The following RIN3 variants were observed in gnomAD, a reference collection of about 807,000 sequenced individuals.
RIN3 encodes the protein Ras and Rab interactor 3, also known as RAB5 interacting protein 3.
RIN3 carries 54 observed loss-of-function variants against 76.3 expected under a neutral mutation model. The ratio of observed to expected loss-of-function variants is 0.71; its 90% CI spans 0.57 to 0.89. The LOEUF (loss-of-function observed/expected upper bound fraction) is 0.89, where lower values mean the gene tolerates loss of function less well. Ranked by LOEUF, RIN3 falls within the 40% of genes least tolerant of loss-of-function variation. The pLI is 0.00. For synonymous variants in RIN3, 576 were observed against 564.0 expected (o/e 1.02, Z -0.30); for missense variants, 1,256 against 1,322.1 (o/e 0.95, Z 0.78).
intron 4 of RIN3, among the ~76,000 whole-genome samples, chr14:92,618,216 C>G (rs1886044386): frequency 6.6e-6 from 1 of 152,192 alleles, no homozygotes; most frequent in South Asian, 2.1e-4. Context: ...GTGCACAAAA[C>G]AGACCCCTTT....
chr14:92,520,236 G>A (rs372244914), intron 1 of RIN3, among the ~76,000 whole-genome samples: 2 of 152,238 alleles, frequency 1.3e-5, no homozygotes, highest in Admixed American at 6.5e-5. Flanking sequence ...TGTAAGTGAC[G>A]TGACGGCACA....
At chr14:92,557,612 C>T (rs886335782) in intron 2 of RIN3, among the ~76,000 whole-genome samples, 4 of 152,268 alleles carry the variant, frequency 2.6e-5, no homozygotes, top group Non-Finnish European at 4.4e-5. Flanking sequence ...CTGCAAAGTC[C>T]TGACCTCCTC....
intron 8 of RIN3, among the ~76,000 whole-genome samples, chr14:92,677,326 GTCCAGATA>G (rs1442723612): frequency 3.9e-5 from 6 of 152,102 alleles, no homozygotes; most frequent in Non-Finnish European, 8.8e-5. Context: ...GGGGCAGCCA[GTCCAGATA>G]TCAGCTCTGA....
chr14:92,572,921 G>T (rs1197739564), intron 2 of RIN3, among the ~76,000 whole-genome samples: 1 of 101,212 alleles, frequency 9.9e-6, no homozygotes, highest in Non-Finnish European at 1.8e-5. Context: ...TTGCTTTGTT[G>T]CCCAGGCTGG....
intron 1 of RIN3, among the ~76,000 whole-genome samples, chr14:92,522,440 C>A (rs1178290065): frequency 6.6e-6 from 1 of 152,184 alleles, no homozygotes; most frequent in Non-Finnish European, 1.5e-5. Flanking sequence ...ATTTTTATCA[C>A]CCGGTGCAAG....
chr14:92,523,508 C>T (rs1896650441), intron 1 of RIN3, among the ~76,000 whole-genome samples: 1 of 152,208 alleles, frequency 6.6e-6, no homozygotes, highest in African/African-American at 2.4e-5. Flanking sequence ...TCACATAGCA[C>T]CAGATTATAT....
intron 3 of RIN3, among the ~76,000 whole-genome samples, chr14:92,588,214 CTTTTTTTTT>C (rs141155255): frequency 5.1e-5 from 3 of 58,760 alleles, no homozygotes; most frequent in South Asian, 7.1e-4. Context: ...CCATAGCACT[CTTTTTTTTT>C]TTTTTTTTTT....
intron 3 of RIN3, among the ~76,000 whole-genome samples, chr14:92,578,251 A>G (rs1898317514): frequency 6.6e-6 from 1 of 151,018 alleles, no homozygotes; most frequent in African/African-American, 2.4e-5. Context: ...AAAAAAAAAG[A>G]AAAAAAAGAA....
At chr14:92,524,225 G>A (rs369989046) in intron 1 of RIN3, among the ~76,000 whole-genome samples, 133 of 152,210 alleles carry the variant, frequency 8.7e-4, no homozygotes, top group African/African-American at 3.1e-3. Flanking sequence ...ATAAAGACCC[G>A]GGGCCCAGTT....
At chr14:92,527,678 C>A (rs1896777566) in intron 1 of RIN3, among the ~76,000 whole-genome samples, 1 of 152,166 alleles carries the variant, frequency 6.6e-6, no homozygotes, top group African/African-American at 2.4e-5. Context: ...AGGACCTCTT[C>A]CTCCGCAGAC....
chr14:92,569,451 T>C (rs1898003366), intron 2 of RIN3, among the ~76,000 whole-genome samples: 2 of 152,142 alleles, frequency 1.3e-5, no homozygotes, highest in South Asian at 4.1e-4. Flanking sequence ...ACACGGAGGC[T>C]CAGAGAAACC....
At chr14:92,528,096 T>C (rs1896791962) in intron 1 of RIN3, among the ~76,000 whole-genome samples, 1 of 151,752 alleles carries the variant, frequency 6.6e-6, no homozygotes, top group Admixed American at 6.6e-5. Flanking sequence ...GGCTGGTGCC[T>C]GGACTAAGGC....
At position 92,659,441 on chromosome 14, in the gene RIN3, C is replaced by A; in HGVS notation, c.2307C>A (p.Ile769=). Reference sequence around the variant, plus strand: ...TCCTGCTCAAGACCTGCAAACTCATCTACGACTCCATGGCCCTCGGCAACC... The same window carrying A: ...TCCTGCTCAAGACCTGCAAACTCATATACGACTCCATGGCCCTCGGCAACC... ...ISILLKTCKL[I]YDSMALGNPG... The change falls in exon 7 of 10, where the codon ATC becomes ATA. Residue 769 remains isoleucine, a synonymous_variant. Transcript: ENST00000216487. The A allele has an allele frequency of 6.2e-7, 1 of 1,611,198 alleles. No homozygotes were observed. The highest frequency in any genetic ancestry group is 8.5e-7 in the Non-Finnish European group (1 of 1,178,442).
intron 7 of RIN3, among the ~76,000 whole-genome samples, chr14:92,666,293 G>T (rs1489409828): frequency 6.6e-6 from 1 of 152,230 alleles, no homozygotes; most frequent in African/African-American, 2.4e-5. Flanking sequence ...TGTTGGAACA[G>T]CGAGGAAAGG....
rs552529629 is a variant in RIN3, at chr14:92,564,815, C to T, written c.249+8860C>T. 7.9e-5 allele frequency among the ~76,000 whole-genome samples: 12 copies of T among 152,294 alleles called. No homozygotes were observed. In the East Asian group the frequency reaches 9.6e-4, roughly 12 times the overall value. On this transcript the variant is annotated intron_variant, in intron 2 of 9. Coordinates refer to ENST00000216487, the MANE Select transcript of RIN3 (RefSeq NM_024832.5). ...TGAGGGATGAAAAATGGAGGAAACGCGCACACACACGCGCGCGCGCAGGAA... is the reference window on the plus strand; with the variant it reads ...TGAGGGATGAAAAATGGAGGAAACGTGCACACACACGCGCGCGCGCAGGAA...
intron 3 of RIN3, among the ~76,000 whole-genome samples, chr14:92,591,697 G>GA (rs935421898): frequency 4.0e-4 from 61 of 151,680 alleles, no homozygotes; most frequent in African/African-American, 1.5e-3. Flanking sequence ...AGTATTGAGA[G>GA]AAAAAAAACA....
intron 4 of RIN3, among the ~76,000 whole-genome samples, chr14:92,624,826 A>G (rs573411218): frequency 1.3e-5 from 2 of 152,340 alleles, no homozygotes; most frequent in Admixed American, 6.5e-5. Context: ...CCCTGGGACT[A>G]TGGCCCATGA....
intron 5 of RIN3, chr14:92,650,903 C>T (rs1454252233): frequency 6.6e-6 from 1 of 152,250 alleles, no homozygotes; most frequent in Non-Finnish European, 1.5e-5. Context: ...CTGACTGGGG[C>T]AGACGACCAG....
At chr14:92,534,467 C>T (rs1280242622) in intron 1 of RIN3, among the ~76,000 whole-genome samples, 1 of 151,806 alleles carries the variant, frequency 6.6e-6, no homozygotes, top group East Asian at 1.9e-4. Flanking sequence ...GTAATCCCGG[C>T]TACTCAGGAG....
Sources: gnomAD v4.1 joint callset for allele counts (sites outside exome capture counted in the v4.1 genomes callset) on GRCh38, gnomAD v4.1.1 for gene constraint, MANE v1.5 for transcripts, NCBI Gene and HGNC (gene_info 2026-07-23, HGNC 2026-07-21) for gene names.